Variants in CFAP61 observed in about 807,000 individuals in gnomAD.
CFAP61 encodes cilia and flagella associated protein 61, also known as cilia- and flagella-associated protein 61.
Under a neutral mutation model 135.6 loss-of-function variants are expected in CFAP61, and 107 were observed. The ratio of observed to expected loss-of-function variants is 0.79; its 90% CI spans 0.67 to 0.93. The LOEUF is 0.93. CFAP61 is among the 40% of genes least tolerant of loss of function. The pLI is 0.00. For missense variants in CFAP61, 1,507 were observed against 1,556.2 expected (o/e 0.97, Z 0.53); for synonymous variants, 575 against 578.5 (o/e 0.99, Z 0.09).
intron 2 of CFAP61, among the ~76,000 whole-genome samples, chr20:20,057,386 CAAGTT>C (rs558846778): frequency 2.4e-4 from 36 of 152,130 alleles, no homozygotes; most frequent in Non-Finnish European, 4.4e-4. Flanking sequence ...TCACTTAAAA[CAAGTT>C]AATAATATTA....
At chr20:20,075,127 A>G (rs2045960513) in intron 4 of CFAP61, 62 bp from the exon 5 acceptor site, 2 of 1,487,578 alleles carry the variant, frequency 1.3e-6, no homozygotes, top group Non-Finnish European at 1.9e-6. Context: ...TGTCTTCATC[A>G]AGTGCCAGCT....
At chr20:20,261,122 C>T (rs1202035871) in intron 20 of CFAP61, among the ~76,000 whole-genome samples, 1 of 152,152 alleles carries the variant, frequency 6.6e-6, no homozygotes, top group African/African-American at 2.4e-5. Context: ...TCACTGCAGC[C>T]TCTTAATGGA....
At chr20:20,270,945 T>C (rs1223454376) in intron 21 of CFAP61, among the ~76,000 whole-genome samples, 1 of 152,214 alleles carries the variant, frequency 6.6e-6, no homozygotes, top group Non-Finnish European at 1.5e-5. Context: ...TTGCTGGGAT[T>C]AGAGGCGTGA....
intron 8 of CFAP61, among the ~76,000 whole-genome samples, chr20:20,102,620 T>C (rs2048111479): frequency 6.6e-6 from 1 of 152,084 alleles, no homozygotes. Context: ...CTTTTCCTGA[T>C]CCTCTCCCTC....
chr20:20,353,651 G>A (rs2058933011), intron 26 of CFAP61, among the ~76,000 whole-genome samples: 1 of 152,124 alleles, frequency 6.6e-6, no homozygotes, highest in South Asian at 2.1e-4. Flanking sequence ...GGTAAAATTG[G>A]TTTTGTTATA....
At chr20:20,163,169 A>G (rs2053539979) in intron 10 of CFAP61, among the ~76,000 whole-genome samples, 1 of 152,240 alleles carries the variant, frequency 6.6e-6, no homozygotes, top group Non-Finnish European at 1.5e-5. Flanking sequence ...TGGTGCTAAT[A>G]TTATTTTAAA....
chr20:20,123,561 T>C (rs569769761), intron 8 of CFAP61, among the ~76,000 whole-genome samples: 6 of 151,780 alleles, frequency 4.0e-5, no homozygotes, highest in Admixed American at 1.3e-4. Context: ...TTGGCTGTAT[T>C]TGGGTTTATT....
intron 17 of CFAP61, among the ~76,000 whole-genome samples, chr20:20,226,708 G>T (rs1014933184): frequency 2.0e-5 from 3 of 152,122 alleles, no homozygotes; most frequent in South Asian, 2.1e-4. Context: ...AAACAAGAAG[G>T]CTTCTCTTCT....
At chr20:20,187,830 A>C in intron 13 of CFAP61, 100 bp from the exon 14 acceptor site, 1 of 877,400 alleles carries the variant, frequency 1.1e-6, no homozygotes, top group African/African-American at 1.7e-5. Context: ...TTTACTGGAT[A>C]TTATTTTATA....
chr20:20,137,982 G>C (rs1021979124), intron 8 of CFAP61, among the ~76,000 whole-genome samples: 1 of 152,078 alleles, frequency 6.6e-6, no homozygotes, highest in Non-Finnish European at 1.5e-5. Flanking sequence ...ATCCTACTAG[G>C]ACTGGGTCCT....
chr20:20,084,282 G>T (rs1351670226), intron 6 of CFAP61, among the ~76,000 whole-genome samples: 1 of 152,182 alleles, frequency 6.6e-6, no homozygotes, highest in Non-Finnish European at 1.5e-5. Context: ...ACATTCAGTT[G>T]TACATTTTAC....
intron 8 of CFAP61, among the ~76,000 whole-genome samples, chr20:20,121,999 A>G (rs1355230959): frequency 6.6e-6 from 1 of 151,934 alleles, no homozygotes; most frequent in Non-Finnish European, 1.5e-5. Flanking sequence ...GTATTTGGCT[A>G]CATGAGTAAG....
At chr20:20,257,875 G>A (rs1250884623) in intron 20 of CFAP61, among the ~76,000 whole-genome samples, 1 of 152,174 alleles carries the variant, frequency 6.6e-6, no homozygotes, top group African/African-American at 2.4e-5. Context: ...AAACCCAAGA[G>A]TACTATTTCA....
At chr20:20,221,155 A>G (rs2048373458) in intron 17 of CFAP61, 1 of 152,168 alleles carries the variant, frequency 6.6e-6, no homozygotes, top group Admixed American at 6.5e-5. Context: ...TTCGAGTAGA[A>G]TGTTGCAGAA....
chr20:20,356,581 G>A (rs1324314448), intron 26 of CFAP61, among the ~76,000 whole-genome samples: 1 of 78,346 alleles, frequency 1.3e-5, no homozygotes, highest in Admixed American at 1.3e-4. Context: ...GTGAGGGGAG[G>A]TGGTCACACT....
In CFAP61 at chr20:20,070,825, C is replaced by G. The variant is rs2045652964; in HGVS notation, c.144-29C>G. The G allele has an allele frequency of 4.4e-6, 7 of 1,597,808 alleles. No homozygotes were observed. In the Admixed American group the frequency reaches 8.6e-5, roughly 20 times the overall value. ...TCACCTCACTTTTTGTAATCTTATT[C>G]ATGTTTGCAATTGTAATCATTTCTG... On this transcript the variant is annotated intron_variant, in intron 2 of 26. Coordinates refer to ENST00000245957, the MANE Select transcript of CFAP61 (RefSeq NM_015585.4).
At chr20:20,334,548 G>A (rs1361966658) in intron 25 of CFAP61, among the ~76,000 whole-genome samples, 1 of 152,214 alleles carries the variant, frequency 6.6e-6, no homozygotes, top group African/African-American at 2.4e-5. Context: ...CTGAAAATTA[G>A]AATTTCAGTC....
chr20:20,157,116 A>G (rs1009783619), intron 9 of CFAP61, among the ~76,000 whole-genome samples: 1 of 152,160 alleles, frequency 6.6e-6, no homozygotes, highest in Non-Finnish European at 1.5e-5. Flanking sequence ...TCTATTGCCC[A>G]GGCTGGAGTG....
intron 25 of CFAP61, among the ~76,000 whole-genome samples, chr20:20,317,327 T>TC (rs1210158701): frequency 7.2e-5 from 11 of 152,062 alleles, no homozygotes; most frequent in Admixed American, 2.0e-4. Context: ...TGTTCCACAG[T>TC]CCCTGGGCTG....
Sources: allele counts gnomAD v4.1 joint callset (sites outside exome capture counted in the v4.1 genomes callset), GRCh38; gene constraint gnomAD v4.1.1; transcripts MANE v1.5; gene names NCBI Gene and HGNC (gene_info 2026-07-23, HGNC 2026-07-21).